The following MAP1A variants were observed in gnomAD, a reference collection of about 807,000 sequenced individuals.
MAP1A encodes the protein microtubule-associated protein 1A.
In MAP1A, 42 loss-of-function variants were observed where a neutral mutation model predicts 185.9. That is an observed-to-expected ratio of 0.23 (90% CI 0.18 to 0.29). The LOEUF (loss-of-function observed/expected upper bound fraction) is 0.29, where lower values mean the gene tolerates loss of function less well. MAP1A is among the 10% of genes least tolerant of loss of function. MAP1A has a pLI of 1.00. For missense variants in MAP1A, 2,995 were observed against 3,450.4 expected (o/e 0.87, Z 3.31); for synonymous variants, 1,229 against 1,335.9 (o/e 0.92, Z 1.74).
At position 43,510,998 on chromosome 15, in the gene MAP1A, G is replaced by A. The variant is rs1228639955; in HGVS notation, c.10G>A (p.Glu4Lys). ...CTCCGCGGGTGTTTCCATGGAGACC[G>A]AGGCCGAGCCTGCGCGGCCTCACGG... is the stretch of plus-strand genomic sequence containing the variant. The change falls in exon 1 of 7, where the codon GAG (glutamate) becomes AAG (lysine). Residue 4 changes from glutamate to lysine, a missense_variant. Glu to Lys is a moderately conservative substitution (Grantham distance 56). Transcript: ENST00000382031. The A allele has an allele frequency of 8.4e-6, 13 of 1,543,826 alleles. No individual in the cohort carries two copies. In the Admixed American group the frequency reaches 2.0e-4, roughly 23 times the overall value.
Position 43,523,682 on chromosome 15 carries a change from G to A in MAP1A, c.2209G>A (p.Asp737Asn). 1 of 1,613,918 alleles carries A rather than the reference G, an allele frequency of 6.2e-7. No individual in the cohort carries two copies. The highest frequency in any genetic ancestry group is 8.5e-7 in the Non-Finnish European group (1 of 1,179,904). The part of the protein sequence containing the change: ...GATEHVSYIQ[D>N]ETIPGYSETE... The stretch of plus-strand genomic sequence containing the variant: ...CACTGAGCATGTCTCTTACATCCAG[G>A]ATGAGACAATCCCTGGCTACTCAGA... Residue 737 changes from aspartate (D) to asparagine (N), a missense_variant, in exon 4 of 6, where the codon GAT becomes AAT. Physicochemically the swap from Asp to Asn is conservative, Grantham distance 23. Around this residue, in one of 3 missense-constraint regions of MAP1A, gnomAD observed 2,728 missense variants for 2,986.0 expected, o/e 0.91. Coordinates refer to ENST00000300231, the MANE Select transcript of MAP1A (RefSeq NM_002373.6).
chr15:43,521,400 G>A lies in MAP1A; in HGVS notation c.-74G>A. 1 of 1,613,964 alleles carries A rather than the reference G, an allele frequency of 6.2e-7. No homozygotes were observed. The highest frequency in any genetic ancestry group is 2.2e-5 in the East Asian group (1 of 44,878). ...GTGTCCTGCTTAGGGGAAGGTGATTGGAGCCACCTGGGATTATCCAGTTCC... is the reference window on the plus strand; with the variant it reads ...GTGTCCTGCTTAGGGGAAGGTGATTAGAGCCACCTGGGATTATCCAGTTCC... On this transcript the variant is annotated 5_prime_UTR_variant, in exon 4 of 6. Coordinates refer to ENST00000300231, the MANE Select transcript of MAP1A (RefSeq NM_002373.6). This position sits in a 1 kb window ranked among gnomAD's most constrained non-coding sequence, Gnocchi z 4.6.
At chr15:43,518,708 A>ACCC (rs34711237) in intron 1 of MAP1A, among the ~76,000 whole-genome samples, 12 of 83,680 alleles carry the variant, frequency 1.4e-4, no homozygotes, top group African/African-American at 3.2e-4. Flanking sequence ...ACCGCAGCCC[A>ACCC]CCCCCCCCCG....
At chr15:43,518,332 G>A (rs895595512) in intron 1 of MAP1A, among the ~76,000 whole-genome samples, 5 of 151,730 alleles carry the variant, frequency 3.3e-5, no homozygotes, top group Non-Finnish European at 7.4e-5. Context: ...TGGCCCTGCC[G>A]AGGCCACTCT....
At position 43,521,316 on chromosome 15, in the gene MAP1A, T is replaced by A. The variant is rs1366545252; in HGVS notation, c.-150-8T>A. On this transcript the variant is annotated splice_polypyrimidine_tract_variant and splice_region_variant and intron_variant, in intron 3 of 5. Transcript: ENST00000300231. This position sits in a 1 kb window ranked among gnomAD's most constrained non-coding sequence, Gnocchi z 4.6. ...ACCTGATCAGGTTTCTATCTCCTAT[T>A]CTTCTAGATTTCCCAATTGCTCAGC... 2.5e-6 allele frequency: 4 copies of A among 1,598,480 alleles called. No homozygotes were observed. The highest frequency in any genetic ancestry group is 2.6e-6 in the Non-Finnish European group (3 of 1,173,576).
At chr15:43,511,470 C>T (rs1330132668) in intron 1 of MAP1A, among the ~76,000 whole-genome samples, 1 of 152,212 alleles carries the variant, frequency 6.6e-6, no homozygotes, top group African/African-American at 2.4e-5. Flanking sequence ...CAGCGGAGCT[C>T]TATGCAGCCC....
chr15:43,519,295 T>C (rs1176332333), intron 1 of MAP1A, among the ~76,000 whole-genome samples: 1 of 152,184 alleles, frequency 6.6e-6, no homozygotes, highest in Non-Finnish European at 1.5e-5. Flanking sequence ...CAACCCACGC[T>C]GTATGGGGTT....
chr15:43,511,417 A>T (rs537395439), intron 1 of MAP1A, among the ~76,000 whole-genome samples: 2 of 152,178 alleles, frequency 1.3e-5, no homozygotes, highest in South Asian at 4.2e-4. Flanking sequence ...TCGCTTGCCC[A>T]TCCTTACTGC....
rs1163043814 is a variant in MAP1A, at chr15:43,525,623, G to A, written c.4150G>A (p.Asp1384Asn). ...LEHKEVVEPKDTAIYQKDEAL... is the reference protein window; with the variant it reads ...LEHKEVVEPKNTAIYQKDEAL... ...GCACAAGGAGGTGGTAGAGCCGAAGGATACAGCCATCTATCAGAAAGATGA... is the reference window on the plus strand; with the variant it reads ...GCACAAGGAGGTGGTAGAGCCGAAGAATACAGCCATCTATCAGAAAGATGA... Residue 1384 changes from aspartate (D) to asparagine (N), a missense_variant, in exon 4 of 6, where the codon GAT (aspartate) becomes AAT (asparagine). Physicochemically the swap from Asp to Asn is conservative, Grantham distance 23. Coordinates refer to ENST00000300231, the MANE Select transcript of MAP1A (RefSeq NM_002373.6). 4 of 1,614,196 alleles carry A rather than the reference G, an allele frequency of 2.5e-6. No individual in the cohort carries two copies. Among genetic ancestry groups the A allele is most frequent in the Non-Finnish European group, 3.4e-6 (4 of 1,180,046 alleles).
chr15:43,526,985 T>G lies in MAP1A; in HGVS notation c.5512T>G (p.Trp1838Gly). The change falls in exon 4 of 6, where the codon TGG becomes GGG. Residue 1838 changes from tryptophan (W) to glycine (G), a missense_variant. Transcript: ENST00000300231. This position sits in a 1 kb window ranked among gnomAD's most constrained non-coding sequence, Gnocchi z 4.7. ...HMKNEPTTPS[W>G]LADIPPWVPK... ...GAAGAATGAACCCACTACTCCCTCA[T>G]GGCTGGCTGACATCCCACCCTGGGT... The G allele has an allele frequency of 6.2e-7, 1 of 1,613,070 alleles. No individual in the cohort carries two copies. Among genetic ancestry groups the G allele is most frequent in the Non-Finnish European group, 8.5e-7 (1 of 1,179,426 alleles).
At chr15:43,512,870 T>C (rs917695023), upstream of MAP1A, among the ~76,000 whole-genome samples, 4 of 152,106 alleles carry the variant, frequency 2.6e-5, no homozygotes, top group African/African-American at 9.7e-5. Flanking sequence ...CAAGATCAAG[T>C]TGTACTCTGA....
intron 1 of MAP1A, among the ~76,000 whole-genome samples, chr15:43,511,971 T>C (rs1566975140): frequency 6.6e-6 from 1 of 151,994 alleles, no homozygotes; most frequent in Non-Finnish European, 1.5e-5. Flanking sequence ...ACTCTGTCCT[T>C]CTCCCTCTGG....
At chr15:43,514,207 C>T (rs1293150637), upstream of MAP1A, among the ~76,000 whole-genome samples, 1 of 152,208 alleles carries the variant, frequency 6.6e-6, no homozygotes, top group African/African-American at 2.4e-5. Flanking sequence ...TAGATCAGAG[C>T]TTACTTTGGC....
Position 43,526,506 on chromosome 15 carries a change from A to T in MAP1A, c.5033A>T (p.Gln1678Leu). ...APAWEDTSPE[Q>L]DNRYWRGRED... ...GCATGGGAGGACACATCTCCTGAGCAGGACAATAGGTATTGGAGGGGCAGA... is the reference window on the plus strand; with the variant it reads ...GCATGGGAGGACACATCTCCTGAGCTGGACAATAGGTATTGGAGGGGCAGA... The change falls in exon 4 of 6, where the codon CAG (glutamine) becomes CTG (leucine). Residue 1678 changes from glutamine to leucine, a missense_variant. Transcript: ENST00000300231. The surrounding 1 kb of genome is among the most constrained non-coding windows in gnomAD (Gnocchi z 4.7). The T allele has an allele frequency of 6.2e-7, 1 of 1,614,162 alleles. No individual in the cohort carries two copies. Among genetic ancestry groups the T allele is most frequent in the East Asian group, 2.2e-5 (1 of 44,880 alleles).
Position 43,523,123 on chromosome 15 carries a change from G to A in MAP1A, c.1650G>A (p.Arg550=). The A allele has an allele frequency of 1.2e-6, 2 of 1,614,130 alleles. No individual in the cohort carries two copies. Among genetic ancestry groups the A allele is most frequent in the Non-Finnish European group, 1.7e-6 (2 of 1,180,032 alleles). Residue 550 remains arginine (R), a synonymous_variant, in exon 4 of 6, where the codon AGG becomes AGA. Coordinates refer to ENST00000300231, the MANE Select transcript of MAP1A (RefSeq NM_002373.6). ...REERALLAEQ[R]DTGLGDKPFP... ...AGAGGGCTTTGCTGGCTGAACAAAG[G>A]GACACAGGACTAGGAGATAAGCCAT... is the stretch of plus-strand genomic sequence containing the variant.
rs1485375163 is a variant in MAP1A, at chr15:43,527,297, G to A, written c.5824G>A (p.Ala1942Thr). The A allele has an allele frequency of 1.6e-5, 26 of 1,614,056 alleles. No individual in the cohort carries two copies. In the East Asian group the frequency reaches 5.8e-4, roughly 36 times the overall value. ...SKVPEASKSH[A>T]TTEPEQTEPE... ...GGTACCAGAGGCCAGCAAAAGCCAT[G>A]CCACCACGGAGCCTGAGCAGACTGA... is the stretch of plus-strand genomic sequence containing the variant. Residue 1942 changes from alanine (A) to threonine (T), a missense_variant, in exon 4 of 6, where the codon GCC becomes ACC. By Grantham distance (58) the Ala-to-Thr change is moderately conservative. This residue lies in a region of MAP1A where 2,728 missense variants were observed against 2,986.0 expected (regional missense o/e 0.91). Coordinates refer to ENST00000300231, the MANE Select transcript of MAP1A (RefSeq NM_002373.6).
intron 1 of MAP1A, among the ~76,000 whole-genome samples, chr15:43,511,393 G>A (rs1249684590): frequency 2.1e-4 from 32 of 152,102 alleles, no homozygotes; most frequent in Non-Finnish European, 7.4e-5. Context: ...GTATCCTCTC[G>A]CTCTACTAAC....
rs2079344812 is a variant in MAP1A at position 43,526,605 on chromosome 15, A to C, written c.5132A>C (p.Glu1711Ala). 3 of 1,614,134 alleles carry C rather than the reference A, an allele frequency of 1.9e-6. No individual in the cohort carries two copies. The African/African-American group carries it at 4.0e-5, about 22-fold the overall frequency. ...GAGCGGAAGGTCTGGTTCCCTCACG[A>C]GCTGGATGGCCAGGGGGCCCGCCCA... The part of the protein sequence containing the change: ...SCERKVWFPH[E>A]LDGQGARPHY... The change falls in exon 4 of 6, where the codon GAG becomes GCG. Residue 1711 changes from glutamate (E) to alanine (A), a missense_variant. Around this residue, in one of 3 missense-constraint regions of MAP1A, gnomAD observed 2,728 missense variants for 2,986.0 expected, o/e 0.91. Coordinates refer to ENST00000300231, the MANE Select transcript of MAP1A (RefSeq NM_002373.6). The surrounding 1 kb of genome is among the most constrained non-coding windows in gnomAD (Gnocchi z 4.7).
rs546205897 is a variant in MAP1A at position 43,529,820 on chromosome 15, G to A, written c.8206G>A (p.Val2736Met). The A allele has an allele frequency of 1.2e-6, 2 of 1,614,112 alleles. No homozygotes were observed. The highest frequency in any genetic ancestry group is 1.3e-5 in the African/African-American group (1 of 75,068). The change falls in exon 5 of 6, where the codon GTG (valine) becomes ATG (methionine). Residue 2736 changes from valine (V) to methionine (M), a missense_variant. Coordinates refer to ENST00000300231, the MANE Select transcript of MAP1A (RefSeq NM_002373.6). The surrounding 1 kb of genome is among the most constrained non-coding windows in gnomAD (Gnocchi z 4.3). The stretch of plus-strand genomic sequence containing the variant: ...TGCCAATGGCGAGCCAAGCCGGGCT[G>A]TGCTGGATGCCCTGCTGGAGGGCAA... ...DPANGEPSRAVLDALLEGKAQ... is the reference protein window; with the variant it reads ...DPANGEPSRAMLDALLEGKAQ...
Sources: allele counts gnomAD v4.1 joint callset (sites outside exome capture counted in the v4.1 genomes callset), GRCh38; gene constraint gnomAD v4.1.1; regional missense constraint gnomAD v4.1.1; non-coding constraint Gnocchi (gnomAD v3.1); transcripts MANE v1.5; gene names NCBI Gene and HGNC (gene_info 2026-07-23, HGNC 2026-07-21).